The following ADGRV1 variants were observed in gnomAD, a reference collection of about 807,000 sequenced individuals.
The protein encoded by ADGRV1 is adhesion G protein-coupled receptor V1.
In ADGRV1, 359 loss-of-function variants were observed where a neutral mutation model predicts 596.2. That is an observed-to-expected ratio of 0.60 (90% CI 0.55 to 0.66). ADGRV1 has a LOEUF of 0.66. Among genes scored for constraint, ADGRV1 ranks in the 30% least tolerant of loss-of-function variants. ADGRV1 has a pLI of 0.00. For synonymous variants in ADGRV1, 2,681 were observed against 2,679.2 expected (o/e 1.00, Z -0.02); for missense variants, 7,274 against 7,575.6 (o/e 0.96, Z 1.48).
intron 85 of ADGRV1, among the ~76,000 whole-genome samples, chr5:91,003,654 A>G (rs1452199431): frequency 6.6e-6 from 1 of 152,214 alleles, no homozygotes; most frequent in African/African-American, 2.4e-5. Flanking sequence ...ATTTAGGAAG[A>G]TCCATTTTTA....
Position 90,685,901 on chromosome 5 carries a change from T to G in ADGRV1, c.6396T>G (p.Asn2132Lys). Residue 2132 changes from asparagine (N) to lysine (K), a missense_variant, in exon 29 of 90, where the codon AAT becomes AAG. Asn to Lys is a moderately conservative substitution (Grantham distance 94). This residue lies in a region of ADGRV1 where 3,643 missense variants were observed against 3,809.2 expected (regional missense o/e 0.96). Coordinates refer to ENST00000405460, the MANE Select transcript of ADGRV1 (RefSeq NM_032119.4). Reference protein sequence around the residue: ...LSAPIVRVAENHVGPIINVTR... With the variant: ...LSAPIVRVAEKHVGPIINVTR... ...CACCAATTGTCCGAGTGGCAGAAAA[T>G]CATGTTGGACCCATTATCAATGTGA... The G allele has an allele frequency of 6.2e-7, 1 of 1,612,086 alleles. No individual in the cohort carries two copies. Among genetic ancestry groups the G allele is most frequent in the Non-Finnish European group, 8.5e-7 (1 of 1,178,694 alleles).
chr5:90,971,106 T>C (rs1234354326), intron 84 of ADGRV1, among the ~76,000 whole-genome samples: 1 of 151,942 alleles, frequency 6.6e-6, no homozygotes, highest in Non-Finnish European at 1.5e-5. Flanking sequence ...AGGGTATCAG[T>C]GATGGAAGAT....
intron 83 of ADGRV1, among the ~76,000 whole-genome samples, chr5:90,870,584 G>A (rs535188700): frequency 6.8e-4 from 103 of 152,332 alleles, no homozygotes; most frequent in African/African-American, 2.4e-3. Context: ...CTGGAAACTT[G>A]GAGAGAAATG....
chr5:90,811,744 G>A (rs200021622), intron 74 of ADGRV1, among the ~76,000 whole-genome samples: 1 of 131,050 alleles, frequency 7.6e-6, no homozygotes, highest in African/African-American at 2.9e-5. Context: ...TTTTTTTTCT[G>A]TTACCAAAAA....
intron 38 of ADGRV1, among the ~76,000 whole-genome samples, 190 bp downstream of exon 38, chr5:90,706,584 GA>G (rs1748637675): frequency 6.6e-6 from 1 of 151,920 alleles, no homozygotes; most frequent in Non-Finnish European, 1.5e-5. Flanking sequence ...TATTAAACCT[GA>G]AGTAACTACA....
At chr5:90,644,335 C>T in intron 14 of ADGRV1, among the ~76,000 whole-genome samples, 1 of 152,190 alleles carries the variant, frequency 6.6e-6, no homozygotes. Flanking sequence ...ATTTTTAGAG[C>T]AGTGTCTGTC....
At chr5:90,595,169 C>T (rs1760153521) in intron 1 of ADGRV1, among the ~76,000 whole-genome samples, 2 of 95,236 alleles carry the variant, frequency 2.1e-5, no homozygotes, top group Non-Finnish European at 4.4e-5. Context: ...GGGGCTGACC[C>T]CCCCACCTCC....
chr5:90,604,165 A>T (rs187278), intron 1 of ADGRV1, among the ~76,000 whole-genome samples: 31,896 of 151,326 alleles, frequency 0.21, 3,733 homozygotes, highest in East Asian at 0.4. Context: ...CCATTTTTTT[A>T]AAATGTGAAA....
At position 90,706,302 on chromosome 5, in the gene ADGRV1, G is replaced by A; in HGVS notation, c.8638G>A (p.Ala2880Thr). 6.2e-7 allele frequency: 1 copy of A among 1,613,530 alleles called. No individual in the cohort carries two copies. The highest frequency in any genetic ancestry group is 8.5e-7 in the Non-Finnish European group (1 of 1,179,664). The change falls in exon 38 of 90, where the codon GCA becomes ACA. Residue 2880 changes from alanine (A) to threonine (T), a missense_variant. By Grantham distance (58) the Ala-to-Thr change is moderately conservative. Transcript: ENST00000405460. ...SLKNQTVGNLAEPEVDFVPII... is the reference protein window; with the variant it reads ...SLKNQTVGNLTEPEVDFVPII... ...GAAGAACCAAACAGTAGGAAACCTA[G>A]CAGAGCCAGAAGTTGATTTTGTCCC...
chr5:91,145,689 G>T (rs1038296546), intron 87 of ADGRV1, among the ~76,000 whole-genome samples: 4 of 150,870 alleles, frequency 2.7e-5, no homozygotes, highest in African/African-American at 9.7e-5. Flanking sequence ...ATACATGTTT[G>T]TTTACTTTTA....
chr5:90,825,360 C>A (rs1012950723), intron 76 of ADGRV1, among the ~76,000 whole-genome samples: 2 of 152,082 alleles, frequency 1.3e-5, no homozygotes, highest in African/African-American at 4.8e-5. Flanking sequence ...TGTTCCTTTC[C>A]TATGGAAATT....
chr5:90,970,519 C>T lies in ADGRV1; in HGVS notation c.17973+4988C>T, dbSNP rs755485144. On this transcript the variant is annotated intron_variant, in intron 84 of 89. Coordinates refer to ENST00000405460, the MANE Select transcript of ADGRV1 (RefSeq NM_032119.4). ...CTCACATGGCCGGGTACCCCTGAGA[C>T]AAAGCTTCCAGAGGAACGATGAGGC... Among the ~76,000 whole-genome samples the T allele has an allele frequency of 3.4e-5, 5 of 149,158 alleles. No homozygotes were observed. In the South Asian group the frequency reaches 1.1e-3, roughly 32 times the overall value.
Position 90,791,241 on chromosome 5 carries a change from A to G in ADGRV1, c.14412A>G (p.Ser4804=), listed in dbSNP as rs1760038040. 6.2e-7 allele frequency: 1 copy of G among 1,613,014 alleles called. No individual in the cohort carries two copies. Among genetic ancestry groups the G allele is most frequent in the Non-Finnish European group, 8.5e-7 (1 of 1,179,512 alleles). ...ATGTGGCTGTTGGGCTTCGAATATC[A>G]TCGGATCATAAAGAACAGCCGATTG... The part of the protein sequence containing the change: ...FGDVAVGLRI[S]SDHKEQPIVT... The change falls in exon 70 of 90, where the codon TCA becomes TCG. Residue 4804 remains serine (S), a synonymous_variant. Transcript: ENST00000405460.
At chr5:90,697,902 T>G (rs1275444834) in intron 34 of ADGRV1, among the ~76,000 whole-genome samples, 1 of 152,162 alleles carries the variant, frequency 6.6e-6, no homozygotes, top group African/African-American at 2.4e-5. Context: ...GAAAAGGATA[T>G]AGATTGTGTA....
chr5:90,815,317 C>A (rs1762790818), intron 74 of ADGRV1, among the ~76,000 whole-genome samples: 1 of 152,072 alleles, frequency 6.6e-6, no homozygotes, highest in Non-Finnish European at 1.5e-5. Flanking sequence ...AGATAAATAT[C>A]TAAAATTTCA....
intron 1 of ADGRV1, among the ~76,000 whole-genome samples, chr5:90,560,097 T>A (rs1370185103): frequency 6.6e-6 from 1 of 152,190 alleles, no homozygotes; most frequent in Admixed American, 6.5e-5. Context: ...TGATTAGGTA[T>A]AATTTTCTGG....
rs1172771244 is a variant in ADGRV1 at position 90,679,549 on chromosome 5, T to C, written c.5444T>C (p.Val1815Ala). ...TGTGTCTCTGTGTCTCCTTGTGAAG[T>C]AGCTGAACTCTTTAGGGTTGATGGA... The part of the protein sequence containing the change: ...KVELLNLEGG[V>A]AELFRVDGSG... Residue 1815 changes from valine to alanine, a missense_variant and splice_region_variant, in exon 26 of 90, where the codon GTA becomes GCA. Physicochemically the swap from Val to Ala is moderately conservative, Grantham distance 64. Transcript: ENST00000405460. 3.7e-6 allele frequency: 6 copies of C among 1,611,464 alleles called. No homozygotes were observed. Among genetic ancestry groups the C allele is most frequent in the Non-Finnish European group, 4.2e-6 (5 of 1,177,964 alleles).
chr5:90,788,255 A>T lies in ADGRV1; in HGVS notation c.13838A>T (p.His4613Leu). 1 of 1,612,640 alleles carries T rather than the reference A, an allele frequency of 6.2e-7. No individual in the cohort carries two copies. Among genetic ancestry groups the T allele is most frequent in the Non-Finnish European group, 8.5e-7 (1 of 1,178,666 alleles). The change falls in exon 68 of 90, where the codon CAT becomes CTT. Residue 4613 changes from histidine (H) to leucine (L), a missense_variant. Transcript: ENST00000405460. The stretch of plus-strand genomic sequence containing the variant: ...GAAGAGACATTCATTATTAAACTTC[A>T]TCTTGTGAAAGGAGAAGCTAAATTA... ...EVEETFIIKL[H>L]LVKGEAKLDS...
intron 1 of ADGRV1, among the ~76,000 whole-genome samples, chr5:90,612,499 A>G (rs1215321882): frequency 6.6e-6 from 1 of 152,068 alleles, no homozygotes; most frequent in African/African-American, 2.4e-5. Context: ...TCCAAAGCCT[A>G]CATAGCCACT....
Sources: allele counts gnomAD v4.1 joint callset (sites outside exome capture counted in the v4.1 genomes callset), GRCh38; gene constraint gnomAD v4.1.1; regional missense constraint gnomAD v4.1.1; transcripts MANE v1.5; gene names NCBI Gene and HGNC (gene_info 2026-07-23, HGNC 2026-07-21).